TENM2: variants seen among roughly 807,000 people sequenced by gnomAD.
TENM2 encodes the protein teneurin transmembrane protein 2.
TENM2 carries 52 observed loss-of-function variants against 245.2 expected under a neutral mutation model. The observed-to-expected ratio is 0.21, with a 90% CI of 0.17 to 0.27. The LOEUF is 0.27. Among genes scored for constraint, TENM2 ranks in the 10% least tolerant of loss-of-function variants. The probability of loss-of-function intolerance (pLI) is 1.00; values close to 1 mark genes in which losing one functional copy is unlikely to be tolerated. For missense variants in TENM2, 3,046 were observed against 3,666.8 expected (o/e 0.83, Z 4.37); for synonymous variants, 1,363 against 1,438.9 (o/e 0.95, Z 1.19).
intron 2 of TENM2, among the ~76,000 whole-genome samples, chr5:167,827,839 C>T (rs1452944035): frequency 6.6e-6 from 1 of 152,136 alleles, no homozygotes; most frequent in Non-Finnish European, 1.5e-5. Flanking sequence ...AAACTCTCCA[C>T]CTTTTTCCCT....
the TENM2 span, among the ~76,000 whole-genome samples, chr5:167,241,174 A>C: frequency 6.6e-6 from 1 of 152,290 alleles, no homozygotes; most frequent in African/African-American, 2.4e-5. Context: ...TACCTAGTTC[A>C]TTCATTCAGC....
the TENM2 span, among the ~76,000 whole-genome samples, chr5:167,184,470 T>TG: frequency 2.6e-5 from 4 of 152,140 alleles, no homozygotes; most frequent in South Asian, 2.1e-4. Context: ...TGTTTTTTGT[T>TG]GGGGGGTGGA....
chr5:167,168,941 A>G, the TENM2 span, among the ~76,000 whole-genome samples: 1 of 151,984 alleles, frequency 6.6e-6, no homozygotes, highest in Admixed American at 6.6e-5. Flanking sequence ...TTGTATTTTT[A>G]GTAGAGACGA....
At chr5:167,450,620 G>A (rs1765518575) in intron 2 of TENM2, among the ~76,000 whole-genome samples, 1 of 152,030 alleles carries the variant, frequency 6.6e-6, no homozygotes, top group African/African-American at 2.4e-5. Context: ...ATGGTTCTAA[G>A]TTAGTTAATA....
chr5:167,893,771 C>G (rs554517831), intron 3 of TENM2, among the ~76,000 whole-genome samples: 36 of 152,092 alleles, frequency 2.4e-4, no homozygotes, highest in Non-Finnish European at 4.3e-4. Context: ...ATGGGATGCA[C>G]CCTTAAGCAA....
intron 2 of TENM2, among the ~76,000 whole-genome samples, chr5:167,733,590 G>T (rs545013724): frequency 7.9e-5 from 12 of 152,252 alleles, no homozygotes; most frequent in African/African-American, 2.4e-4. Flanking sequence ...TAAGACTTGC[G>T]CCAGAGTACC....
intron 2 of TENM2, among the ~76,000 whole-genome samples, chr5:167,847,910 T>TTTTTA (rs1227664936): frequency 1.3e-5 from 2 of 152,216 alleles, no homozygotes; most frequent in Non-Finnish European, 2.9e-5. Flanking sequence ...AACAGTTTTA[T>TTTTTA]TTTTCTTTTA....
chr5:167,565,706 C>A (rs1009489860), intron 2 of TENM2, among the ~76,000 whole-genome samples: 1 of 152,038 alleles, frequency 6.6e-6, no homozygotes, highest in East Asian at 1.9e-4. Flanking sequence ...AGGTAGACAG[C>A]GGTGAAGTAA....
At chr5:167,720,614 G>T (rs1759562947) in intron 2 of TENM2, among the ~76,000 whole-genome samples, 1 of 152,154 alleles carries the variant, frequency 6.6e-6, no homozygotes, top group South Asian at 2.1e-4. Flanking sequence ...GTTTGTAAAA[G>T]GATTCTATTC....
At chr5:167,933,505 C>T (rs1778446987) in intron 3 of TENM2, among the ~76,000 whole-genome samples, 1 of 152,142 alleles carries the variant, frequency 6.6e-6, no homozygotes, top group Non-Finnish European at 1.5e-5. Context: ...GAATTATGCT[C>T]ATTATGCTCT....
At chr5:167,049,371 A>T in the TENM2 span, among the ~76,000 whole-genome samples, 1 of 152,136 alleles carries the variant, frequency 6.6e-6, no homozygotes, top group East Asian at 1.9e-4. Context: ...TTCGTCCTAA[A>T]ATTTATTTTT....
chr5:167,385,184 A>G (rs1027303717), intron 2 of TENM2, among the ~76,000 whole-genome samples: 2 of 152,152 alleles, frequency 1.3e-5, no homozygotes, highest in Admixed American at 1.3e-4. Context: ...GTTGGCTAGA[A>G]CTATTCCAGG....
intron 2 of TENM2, among the ~76,000 whole-genome samples, chr5:167,669,251 T>C (rs1006175821): frequency 6.6e-6 from 1 of 152,130 alleles, no homozygotes; most frequent in Non-Finnish European, 1.5e-5. Context: ...ATAATAGATA[T>C]GGGAAAAAGA....
chr5:167,984,897 C>T (rs1438865617), intron 4 of TENM2, among the ~76,000 whole-genome samples: 2 of 152,116 alleles, frequency 1.3e-5, no homozygotes, highest in Middle Eastern at 3.4e-3. Flanking sequence ...GTCTCAGGAC[C>T]CTGCCCCTTG....
At chr5:167,154,609 C>A in the TENM2 span, among the ~76,000 whole-genome samples, 2 of 152,146 alleles carry the variant, frequency 1.3e-5, no homozygotes, top group Non-Finnish European at 2.9e-5. Flanking sequence ...AGAAGACAAA[C>A]TGAAATTGGG....
chr5:167,787,783 A>G lies in TENM2; in HGVS notation c.503-88203A>G, dbSNP rs533654747. On this transcript the variant is annotated intron_variant, in intron 2 of 28. Transcript: ENST00000518659. ...AATGGAGACAACCCTCGGGAACCACATGGGTTGGGAGTGTGAGTGAGTTGC... is the reference window on the plus strand; with the variant it reads ...AATGGAGACAACCCTCGGGAACCACGTGGGTTGGGAGTGTGAGTGAGTTGC... 2.0e-5 allele frequency among the ~76,000 whole-genome samples: 3 copies of G among 152,250 alleles called. No individual in the cohort carries two copies. The East Asian group carries it at 5.8e-4, about 29-fold the overall frequency.
At chr5:167,670,474 A>G (rs1286924250) in intron 2 of TENM2, among the ~76,000 whole-genome samples, 1 of 147,994 alleles carries the variant, frequency 6.8e-6, no homozygotes, top group Non-Finnish European at 1.5e-5. Context: ...TCTCTCTCTA[A>G]TTCTCTCCCC....
chr5:167,500,233 C>G (rs1452019281), intron 2 of TENM2, among the ~76,000 whole-genome samples: 2 of 151,988 alleles, frequency 1.3e-5, no homozygotes, highest in African/African-American at 4.8e-5. Flanking sequence ...AGTTGAAGGG[C>G]CTTTGTTGTC....
chr5:167,149,378 A>C, the TENM2 span, among the ~76,000 whole-genome samples: 1 of 152,172 alleles, frequency 6.6e-6, no homozygotes, highest in African/African-American at 2.4e-5. Context: ...TGGAAAATGC[A>C]CACATTAACA....
Sources: allele counts gnomAD v4.1 joint callset (sites outside exome capture counted in the v4.1 genomes callset), GRCh38; gene constraint gnomAD v4.1.1; transcripts MANE v1.5; gene names NCBI Gene and HGNC (gene_info 2026-07-23, HGNC 2026-07-21).